MAGEB10: variants seen among roughly 807,000 people sequenced by gnomAD.
MAGEB10 encodes MAGE family member B10.
For missense variants in MAGEB10, 190 were observed against 261.9 expected, an observed-to-expected ratio of 0.73 and a Z score of 1.89; for synonymous variants, 99 against 101.0, an observed-to-expected ratio of 0.98 and a Z score of 0.12.
intron 2 of MAGEB10, 93 bp from the exon 3 acceptor site, chrX:27,821,165 C>A (rs1923877631): frequency 4.0e-6 from 2 of 494,243 alleles, no homozygotes; most frequent in African/African-American, 2.4e-5. Flanking sequence ...TTGAGTAATG[C>A]ACCAAGAAAA....
At chrX:27,820,978 A>G (rs1923873270) in intron 2 of MAGEB10, among the ~76,000 whole-genome samples, 1 of 110,683 alleles carries the variant, frequency 9.0e-6, no homozygotes, top group Non-Finnish European at 1.9e-5. Context: ...GAACTAAGAA[A>G]AGAGTCCCTA....
chrX:27,822,228 A>G lies in MAGEB10; in HGVS notation c.922A>G (p.Thr308Ala), dbSNP rs750338078. ...TCCCAGTGAATTCTCAAACTGGTAT[A>G]CAGAGGCTTTACAAGATGAGGAAGA... is the stretch of plus-strand genomic sequence containing the variant. ...TAPSEFSNWY[T>A]EALQDEEERA... The change falls in exon 3 of 3, where the codon ACA becomes GCA. Residue 308 changes from threonine to alanine, a missense_variant. By Grantham distance (58) the Thr-to-Ala change is moderately conservative. Transcript: ENST00000356790. The G allele has an allele frequency of 4.1e-6, 5 of 1,211,612 alleles. No individual in the cohort carries two copies. Among genetic ancestry groups the G allele is most frequent in the Non-Finnish European group, 4.5e-6 (4 of 895,352 alleles).
Position 27,821,968 on chromosome X carries a change from A to G in MAGEB10, c.662A>G (p.Glu221Gly). ...IFTNGNCVAE[E>G]EVWKVFNTMG... The stretch of plus-strand genomic sequence containing the variant: ...ACAAATGGCAATTGTGTCGCTGAGG[A>G]GGAAGTCTGGAAAGTGTTTAACACG... Residue 221 changes from glutamate to glycine, a missense_variant, in exon 3 of 3, where the codon GAG (glutamate) becomes GGG (glycine). Glu to Gly is a moderately conservative substitution (Grantham distance 98). Transcript: ENST00000356790. The G allele has an allele frequency of 8.3e-7, 1 of 1,211,779 alleles. No individual in the cohort carries two copies. The highest frequency in any genetic ancestry group is 1.1e-6 in the Non-Finnish European group (1 of 895,550).
intron 2 of MAGEB10, among the ~76,000 whole-genome samples, chrX:27,820,706 G>C (rs1337034605): frequency 9.0e-6 from 1 of 111,080 alleles, no homozygotes; most frequent in Non-Finnish European, 1.9e-5. Context: ...GCCATCACAG[G>C]GTGAAGTCCC....
chrX:27,816,141 A>C (rs1923780492), intron 1 of MAGEB10, among the ~76,000 whole-genome samples: 1 of 110,746 alleles, frequency 9.0e-6, no homozygotes, highest in Non-Finnish European at 1.9e-5. Flanking sequence ...TTCTGCCTCC[A>C]GGTGGAGAAA....
chrX:27,821,966 G>A lies in MAGEB10; in HGVS notation c.660G>A (p.Glu220=). The change falls in exon 3 of 3, where the codon GAG becomes GAA. Residue 220 remains glutamate, a synonymous_variant. Transcript: ENST00000356790. The part of the protein sequence containing the change: ...IIFTNGNCVA[E]EEVWKVFNTM... ...TCACAAATGGCAATTGTGTCGCTGAGGAGGAAGTCTGGAAAGTGTTTAACA... is the reference window on the plus strand; with the variant it reads ...TCACAAATGGCAATTGTGTCGCTGAAGAGGAAGTCTGGAAAGTGTTTAACA... 1.7e-6 allele frequency: 2 copies of A among 1,212,031 alleles called. No homozygotes were observed. The highest frequency in any genetic ancestry group is 2.2e-6 in the Non-Finnish European group (2 of 895,633).
At chrX:27,811,090 A>C (rs1054803582) in intron 1 of MAGEB10, among the ~76,000 whole-genome samples, 1 of 107,628 alleles carries the variant, frequency 9.3e-6, no homozygotes, top group African/African-American at 3.4e-5. Context: ...GAGGCTGTCA[A>C]GGTGAGGAGT....
chrX:27,814,774 G>T, intron 1 of MAGEB10, among the ~76,000 whole-genome samples: 1 of 111,748 alleles, frequency 8.9e-6, no homozygotes, highest in Middle Eastern at 4.7e-3. Flanking sequence ...GACTTCACGT[G>T]GTTCATTAAG....
At chrX:27,818,622 G>T (rs1378884720) in intron 2 of MAGEB10, among the ~76,000 whole-genome samples, 2 of 112,048 alleles carry the variant, frequency 1.8e-5, no homozygotes, top group Non-Finnish European at 3.8e-5. Context: ...ACAGAGGGCT[G>T]ATTTTTTGTT....
chrX:27,819,216 T>G (rs910790666), intron 2 of MAGEB10, among the ~76,000 whole-genome samples: 1 of 108,304 alleles, frequency 9.2e-6, no homozygotes, highest in Non-Finnish European at 1.9e-5. Context: ...GGAGGAGGAG[T>G]CGTCCCAGGC....
chrX:27,822,227 T>C lies in MAGEB10; in HGVS notation c.921T>C (p.Tyr307=). 8.3e-7 allele frequency: 1 copy of C among 1,211,369 alleles called. No homozygotes were observed. Among genetic ancestry groups the C allele is most frequent in the East Asian group, 3.0e-5 (1 of 33,837 alleles). The change falls in exon 3 of 3, where the codon TAT becomes TAC. Residue 307 remains tyrosine, a synonymous_variant. Coordinates refer to ENST00000356790, the MANE Select transcript of MAGEB10 (RefSeq NM_182506.3). The stretch of plus-strand genomic sequence containing the variant: ...CTCCCAGTGAATTCTCAAACTGGTA[T>C]ACAGAGGCTTTACAAGATGAGGAAG... ...DTAPSEFSNW[Y]TEALQDEEER...
chrX:27,822,219 A>G lies in MAGEB10; in HGVS notation c.913A>G (p.Asn305Asp). The change falls in exon 3 of 3, where the codon AAC (asparagine) becomes GAC (aspartate). Residue 305 changes from asparagine (N) to aspartate (D), a missense_variant. Coordinates refer to ENST00000356790, the MANE Select transcript of MAGEB10 (RefSeq NM_182506.3). ...TGATACAGCTCCCAGTGAATTCTCA[A>G]ACTGGTATACAGAGGCTTTACAAGA... ...VNDTAPSEFS[N>D]WYTEALQDEE... 1 of 1,211,551 alleles carries G rather than the reference A, an allele frequency of 8.3e-7. No homozygotes were observed. The highest frequency in any genetic ancestry group is 1.1e-6 in the Non-Finnish European group (1 of 895,290).
chrX:27,818,328 A>G (rs192526979), intron 2 of MAGEB10, among the ~76,000 whole-genome samples: 6 of 111,013 alleles, frequency 5.4e-5, no homozygotes, highest in East Asian at 2.8e-4. Context: ...TGGCCCTTGT[A>G]TATGTGGCCC....
At chrX:27,816,194 G>T (rs747316323) in intron 1 of MAGEB10, among the ~76,000 whole-genome samples, 26 of 110,791 alleles carry the variant, frequency 2.3e-4, no homozygotes, top group African/African-American at 8.5e-4. Flanking sequence ...TTTGGCCCAT[G>T]TAGGCAATCC....
intron 1 of MAGEB10, among the ~76,000 whole-genome samples, chrX:27,814,411 C>T (rs1035463631): frequency 1.8e-5 from 2 of 111,120 alleles, no homozygotes; most frequent in African/African-American, 6.6e-5. Context: ...GTCTTGAATC[C>T]AACTGGGGAA....
chrX:27,810,092 C>G (rs1923647497), intron 1 of MAGEB10, among the ~76,000 whole-genome samples: 1 of 111,355 alleles, frequency 9.0e-6, no homozygotes, highest in South Asian at 3.8e-4. Context: ...GTGGGTGGGG[C>G]CAGATAACAG....
intron 1 of MAGEB10, among the ~76,000 whole-genome samples, chrX:27,815,785 G>C (rs1923774711): frequency 8.9e-6 from 1 of 111,860 alleles, no homozygotes; most frequent in Non-Finnish European, 1.9e-5. Context: ...ATATTGATTA[G>C]ATCACCCTTC....
intron 1 of MAGEB10, among the ~76,000 whole-genome samples, chrX:27,808,542 G>A (rs761787941): frequency 9.0e-6 from 1 of 111,690 alleles, no homozygotes; most frequent in Admixed American, 9.4e-5. Context: ...GCCCTGCCAG[G>A]AGGTAAGGCA....
chrX:27,819,228 C>T (rs576483457), intron 2 of MAGEB10, among the ~76,000 whole-genome samples: 1 of 110,300 alleles, frequency 9.1e-6, no homozygotes, highest in Middle Eastern at 4.7e-3. Context: ...GTCCCAGGCC[C>T]CCCAGAGTCA....
Sources: gnomAD v4.1 joint callset for allele counts (sites outside exome capture counted in the v4.1 genomes callset) on GRCh38, gnomAD v4.1.1 for gene constraint, MANE v1.5 for transcripts, NCBI Gene and HGNC (gene_info 2026-07-23, HGNC 2026-07-21) for gene names.